Variants in DPYD observed in about 807,000 individuals in gnomAD.
DPYD encodes dihydropyrimidine dehydrogenase, also known as dihydropyrimidine dehydrogenase [NADP(+)].
A neutral mutation model predicts 116.2 loss-of-function variants in DPYD; 109 were observed. The ratio of observed to expected loss-of-function variants is 0.94; its 90% CI spans 0.80 to 1.10. The LOEUF is 1.10. Among genes scored for constraint, DPYD ranks in the 50% least tolerant of loss-of-function variants. DPYD has a pLI of 0.00. For missense variants in DPYD, 1,302 were observed against 1,254.5 expected (o/e 1.04, Z -0.57); for synonymous variants, 440 against 432.0 (o/e 1.02, Z -0.23).
chr1:97,640,394 C>T (rs1198645382), intron 8 of DPYD, among the ~76,000 whole-genome samples: 1 of 151,982 alleles, frequency 6.6e-6, no homozygotes, highest in African/African-American at 2.4e-5. Flanking sequence ...CTGCAAACTC[C>T]GCCTCCCAGG....
At chr1:97,758,777 C>T (rs549287877) in intron 3 of DPYD, among the ~76,000 whole-genome samples, 10 of 152,196 alleles carry the variant, frequency 6.6e-5, no homozygotes, top group African/African-American at 2.4e-4. Context: ...TATTTCTATC[C>T]CTATCATGTC....
chr1:97,734,522 T>C (rs888609922), intron 4 of DPYD, among the ~76,000 whole-genome samples: 10 of 152,174 alleles, frequency 6.6e-5, no homozygotes, highest in Admixed American at 2.6e-4. Flanking sequence ...TTACTACTCC[T>C]ATATTTTCCT....
At position 97,078,946 on chromosome 1, in the gene DPYD, A is replaced by G. The variant is rs1393938094; in HGVS notation, c.*30T>C. ...AGATCAGCATATGTAGGTGACATGA[A>G]AGTTCACAGCAACTGTTTCACAAAT... On this transcript the variant is annotated 3_prime_UTR_variant, in exon 23 of 23. Transcript: ENST00000370192. 6.2e-7 allele frequency: 1 copy of G among 1,612,766 alleles called. No individual in the cohort carries two copies. Among genetic ancestry groups the G allele is most frequent in the Non-Finnish European group, 8.5e-7 (1 of 1,178,880 alleles).
intron 16 of DPYD, among the ~76,000 whole-genome samples, chr1:97,357,805 A>G (rs1364745118): frequency 6.6e-6 from 1 of 152,134 alleles, no homozygotes; most frequent in Non-Finnish European, 1.5e-5. Flanking sequence ...GAGTTATTTC[A>G]ATTAAGATAA....
chr1:97,383,332 C>T (rs945987047), intron 14 of DPYD, among the ~76,000 whole-genome samples: 6 of 151,698 alleles, frequency 4.0e-5, no homozygotes, highest in African/African-American at 1.5e-4. Context: ...CAAAAATTAG[C>T]CAGGTGTGGT....
intron 20 of DPYD, among the ~76,000 whole-genome samples, chr1:97,143,793 C>T (rs1258443760): frequency 6.6e-6 from 1 of 152,052 alleles, no homozygotes; most frequent in African/African-American, 2.4e-5. Context: ...ATTTTACAGC[C>T]CATCTTCGTA....
At chr1:97,322,433 A>T (rs1165936922) in intron 16 of DPYD, among the ~76,000 whole-genome samples, 2 of 152,084 alleles carry the variant, frequency 1.3e-5, no homozygotes, top group East Asian at 3.9e-4. Flanking sequence ...AAAGGAAATA[A>T]TAATACTAAG....
At chr1:97,740,314 T>C in intron 4 of DPYD, 78 bp downstream of exon 4, 2 of 1,218,468 alleles carry the variant, frequency 1.6e-6, no homozygotes, top group Middle Eastern at 4.1e-4. Flanking sequence ...TAAGACAAGC[T>C]GTATTCTGTA....
chr1:97,777,602 T>C (rs936539526), intron 3 of DPYD, among the ~76,000 whole-genome samples: 3 of 152,174 alleles, frequency 2.0e-5, no homozygotes, highest in Admixed American at 1.3e-4. Context: ...TCTTATCTAG[T>C]TTTATTTTTT....
chr1:97,289,640 C>G (rs1209730195), intron 18 of DPYD, among the ~76,000 whole-genome samples: 4 of 152,096 alleles, frequency 2.6e-5, no homozygotes, highest in African/African-American at 4.8e-5. Context: ...TTTAACAACC[C>G]TTCATGCTAA....
At chr1:97,222,439 C>T (rs1259073039) in intron 19 of DPYD, among the ~76,000 whole-genome samples, 1 of 152,048 alleles carries the variant, frequency 6.6e-6, no homozygotes, top group Admixed American at 6.6e-5. Context: ...ATTAATTTCT[C>T]TTGAATCTAG....
At position 97,189,699 on chromosome 1, in the gene DPYD, C is replaced by A. The variant is rs531410442; in HGVS notation, c.2622+3370G>T. On this transcript the variant is annotated intron_variant, in intron 20 of 22. Coordinates refer to ENST00000370192, the MANE Select transcript of DPYD (RefSeq NM_000110.4). Reference sequence around the variant, plus strand: ...TATATTTTCATTTTGGTAATCTTCACAAGCCCATAGTTAAAACCTTTGGAG... The same window carrying A: ...TATATTTTCATTTTGGTAATCTTCAAAAGCCCATAGTTAAAACCTTTGGAG... Among the ~76,000 whole-genome samples the A allele has an allele frequency of 2.0e-3, 299 of 152,292 alleles. 1 individual carries two copies. The highest frequency in any genetic ancestry group is 6.8e-3 in the African/African-American group (284 of 41,572).
intron 8 of DPYD, among the ~76,000 whole-genome samples, chr1:97,631,646 T>C (rs1429900261): frequency 6.6e-6 from 1 of 152,024 alleles, no homozygotes; most frequent in Non-Finnish European, 1.5e-5. Flanking sequence ...TGAATTAATT[T>C]TATATGCTTT....
At chr1:97,277,016 C>A (rs571540018) in intron 18 of DPYD, among the ~76,000 whole-genome samples, 10 of 152,090 alleles carry the variant, frequency 6.6e-5, no homozygotes, top group Non-Finnish European at 1.5e-4. Context: ...CCATGGAATA[C>A]TATGCAGCCA....
intron 4 of DPYD, among the ~76,000 whole-genome samples, chr1:97,723,514 T>C (rs1040259130): frequency 2.6e-5 from 4 of 151,548 alleles, no homozygotes; most frequent in African/African-American, 9.7e-5. Context: ...GGAGGACATA[T>C]AGCTAGTCCA....
chr1:97,789,656 C>A lies in DPYD; in HGVS notation c.233+38458G>T, dbSNP rs371899192. On this transcript the variant is annotated intron_variant, in intron 3 of 22. Transcript: ENST00000370192. ...CTCACCTCCCACACTTCCTTCCAAG[C>A]CCATATGACCTCATGCTGGCCTAAG... is the stretch of plus-strand genomic sequence containing the variant. Among the ~76,000 whole-genome samples the A allele has an allele frequency of 2.0e-4, 31 of 152,266 alleles. No homozygotes were observed. The South Asian group carries it at 6.4e-3, about 32-fold the overall frequency.
chr1:97,403,777 AT>A (rs959131067), intron 14 of DPYD, among the ~76,000 whole-genome samples: 26 of 151,004 alleles, frequency 1.7e-4, no homozygotes, highest in East Asian at 5.9e-4. Flanking sequence ...TTCTATATTG[AT>A]TTTTTTTATT....
At chr1:97,469,318 A>C (rs1162192611) in intron 13 of DPYD, among the ~76,000 whole-genome samples, 1 of 148,936 alleles carries the variant, frequency 6.7e-6, no homozygotes. Context: ...AAGGCTAAAG[A>C]ATGAGTGATT....
intron 18 of DPYD, among the ~76,000 whole-genome samples, chr1:97,237,518 G>T (rs986953292): frequency 1.3e-5 from 2 of 151,960 alleles, no homozygotes; most frequent in Admixed American, 6.6e-5. Flanking sequence ...ATTAGAAACC[G>T]GACATTAAGA....
Sources: allele counts gnomAD v4.1 joint callset (sites outside exome capture counted in the v4.1 genomes callset), GRCh38; gene constraint gnomAD v4.1.1; transcripts MANE v1.5; gene names NCBI Gene and HGNC (gene_info 2026-07-23, HGNC 2026-07-21).